Variants in CDH12 observed in about 807,000 individuals in gnomAD.
The protein encoded by CDH12 is cadherin-12.
Under a neutral mutation model 74.1 loss-of-function variants are expected in CDH12, and 41 were observed. That is an observed-to-expected ratio of 0.55 (90% CI 0.43 to 0.72). The LOEUF (loss-of-function observed/expected upper bound fraction) is 0.72. Among genes scored for constraint, CDH12 ranks in the 30% least tolerant of loss-of-function variants. The probability of loss-of-function intolerance (pLI) is 0.00; values close to 1 mark genes in which losing one functional copy is unlikely to be tolerated. For synonymous variants in CDH12, 399 were observed against 355.0 expected (o/e 1.12, Z -1.39); for missense variants, 945 against 977.2 (o/e 0.97, Z 0.44).
intron 12 of CDH12, among the ~76,000 whole-genome samples, chr5:21,762,518 A>T (rs1403254350): frequency 6.6e-6 from 1 of 152,116 alleles, no homozygotes; most frequent in Non-Finnish European, 1.5e-5. Context: ...ATATTACAAT[A>T]TATTACAATT....
In CDH12 at chr5:21,842,270, T is replaced by A; in HGVS notation, c.705A>T (p.Val235=). Residue 235 remains valine, a synonymous_variant, in exon 8 of 15, where the codon GTA becomes GTT. Coordinates refer to ENST00000382254, the MANE Select transcript of CDH12 (RefSeq NM_004061.5). The part of the protein sequence containing the change: ...MDREVKEQYQ[V]LIQAKDMGGQ... ...CTCCCATATCCTTGGCTTGGATGAG[T>A]ACTTGATATTGTTCTTTGACTTCTC... The A allele has an allele frequency of 6.2e-7, 1 of 1,613,258 alleles. No homozygotes were observed. The highest frequency in any genetic ancestry group is 8.5e-7 in the Non-Finnish European group (1 of 1,179,410).
intron 4 of CDH12, among the ~76,000 whole-genome samples, chr5:22,097,602 G>A (rs1561106614): frequency 6.6e-6 from 1 of 152,020 alleles, no homozygotes; most frequent in South Asian, 2.1e-4. Context: ...TTATTAGGCT[G>A]AGACACTTTA....
At chr5:22,808,214 T>C (rs1748918432) in intron 1 of CDH12, among the ~76,000 whole-genome samples, 1 of 152,218 alleles carries the variant, frequency 6.6e-6, no homozygotes, top group Non-Finnish European at 1.5e-5. Flanking sequence ...ACACTCATGC[T>C]ATCTACTCTA....
At chr5:22,554,815 T>A (rs1456108522) in intron 1 of CDH12, among the ~76,000 whole-genome samples, 2 of 152,126 alleles carry the variant, frequency 1.3e-5, no homozygotes, top group Non-Finnish European at 2.9e-5. Context: ...CATTTACCAT[T>A]GATAAGAAAT....
In CDH12 at chr5:22,555,756, T is replaced by A. The variant is rs573208585; in HGVS notation, c.-522-50392A>T. On this transcript the variant is annotated intron_variant, in intron 1 of 14. Transcript: ENST00000382254. ...ATTTATTTATTTCCTTAAGCATTTTTAAGTATTTGTGTATTCTTTTCTGTT... is the reference window on the plus strand; with the variant it reads ...ATTTATTTATTTCCTTAAGCATTTTAAAGTATTTGTGTATTCTTTTCTGTT... Among the ~76,000 whole-genome samples, 8 of 152,196 alleles carry A rather than the reference T, an allele frequency of 5.3e-5. No individual in the cohort carries two copies. In the South Asian group the frequency reaches 1.7e-3, roughly 32 times the overall value.
chr5:22,693,279 T>C (rs979761037), intron 1 of CDH12, among the ~76,000 whole-genome samples: 1 of 152,226 alleles, frequency 6.6e-6, no homozygotes, highest in Admixed American at 6.5e-5. Context: ...TGGCACCGTA[T>C]TGCAAGCCAT....
chr5:22,813,627 G>A (rs1279721835), intron 1 of CDH12, among the ~76,000 whole-genome samples: 1 of 151,918 alleles, frequency 6.6e-6, no homozygotes, highest in Non-Finnish European at 1.5e-5. Context: ...CAATATTTCT[G>A]AGGAGATTTA....
chr5:22,154,561 A>G (rs1204147674), intron 4 of CDH12, among the ~76,000 whole-genome samples: 2 of 149,934 alleles, frequency 1.3e-5, no homozygotes, highest in African/African-American at 4.9e-5. Context: ...ACACATATAT[A>G]TACACATATG....
intron 1 of CDH12, among the ~76,000 whole-genome samples, chr5:22,806,754 G>T (rs971780374): frequency 6.6e-6 from 1 of 152,008 alleles, no homozygotes; most frequent in African/African-American, 2.4e-5. Context: ...TCATATGTTT[G>T]TTGGCTGCAA....
chr5:21,915,363 C>A (rs564672966), intron 6 of CDH12, among the ~76,000 whole-genome samples: 6 of 151,786 alleles, frequency 4.0e-5, no homozygotes, highest in Non-Finnish European at 8.8e-5. Flanking sequence ...ATTCAGGAAG[C>A]GAACTGCAAG....
chr5:22,077,081 C>A (rs1040124743), intron 5 of CDH12, among the ~76,000 whole-genome samples: 3 of 145,420 alleles, frequency 2.1e-5, no homozygotes, highest in Non-Finnish European at 4.5e-5. Context: ...TGTGTGTGCG[C>A]GTGTGTATTT....
At chr5:22,288,786 TG>T (rs1309815891) in intron 3 of CDH12, among the ~76,000 whole-genome samples, 7 of 152,318 alleles carry the variant, frequency 4.6e-5, no homozygotes, top group African/African-American at 1.7e-4. Flanking sequence ...ACATAATGTC[TG>T]GTATTAATAG....
At chr5:22,731,473 A>C (rs1282952179) in intron 1 of CDH12, among the ~76,000 whole-genome samples, 1 of 151,878 alleles carries the variant, frequency 6.6e-6, no homozygotes, top group Non-Finnish European at 1.5e-5. Flanking sequence ...CAATCACTTA[A>C]TGAAAGTTAA....
chr5:22,308,147 T>G (rs1432787964), intron 3 of CDH12, among the ~76,000 whole-genome samples: 1 of 152,090 alleles, frequency 6.6e-6, no homozygotes, highest in African/African-American at 2.4e-5. Context: ...CCCAAAGTGC[T>G]AGGATTACAG....
chr5:21,820,784 T>G (rs1748324163), intron 8 of CDH12, among the ~76,000 whole-genome samples: 1 of 151,992 alleles, frequency 6.6e-6, no homozygotes, highest in South Asian at 2.1e-4. Context: ...TGAAGTAATC[T>G]TCAGCTATGC....
At chr5:22,750,359 C>T (rs1416242250) in intron 1 of CDH12, among the ~76,000 whole-genome samples, 1 of 152,066 alleles carries the variant, frequency 6.6e-6, no homozygotes, top group Non-Finnish European at 1.5e-5. Context: ...GTCCATAAAC[C>T]TTGGGTGTAA....
rs1000097868 is a variant in CDH12 at position 22,768,431 on chromosome 5, T to C, written c.-523+84627A>G. ...ACACAGGGACACAATTTTGAAAGAA[T>C]TGAAAACAGCCTTAACACATCTATG... On this transcript the variant is annotated intron_variant, in intron 1 of 14. Transcript: ENST00000382254. Among the ~76,000 whole-genome samples the C allele has an allele frequency of 4.6e-5, 7 of 152,104 alleles. No homozygotes were observed. The East Asian group carries it at 9.7e-4, about 21-fold the overall frequency.
At chr5:22,165,364 A>G (rs1432448671) in intron 4 of CDH12, among the ~76,000 whole-genome samples, 1 of 152,172 alleles carries the variant, frequency 6.6e-6, no homozygotes, top group East Asian at 1.9e-4. Context: ...CTTTTCATAG[A>G]TACACACAGT....
At chr5:22,120,197 T>A (rs1226541381) in intron 4 of CDH12, among the ~76,000 whole-genome samples, 1 of 152,198 alleles carries the variant, frequency 6.6e-6, no homozygotes, top group African/African-American at 2.4e-5. Context: ...ATTGTGTTTT[T>A]ATTGAGTATC....
Sources: allele counts gnomAD v4.1 joint callset (sites outside exome capture counted in the v4.1 genomes callset), GRCh38; gene constraint gnomAD v4.1.1; transcripts MANE v1.5; gene names NCBI Gene and HGNC (gene_info 2026-07-23, HGNC 2026-07-21).